Variants in GPR55 observed in about 807,000 individuals in gnomAD.
GPR55 encodes G-protein coupled receptor 55.
A neutral mutation model predicts 7.9 loss-of-function variants in GPR55; 6 were observed. The observed-to-expected ratio is 0.76, with a 90% confidence interval of 0.41 to 1.49. The LOEUF (loss-of-function observed/expected upper bound fraction) is 1.49. GPR55 is among the 40% of genes most tolerant of loss of function. The pLI, the probability that GPR55 is intolerant of heterozygous loss-of-function variation, is 0.01. For missense variants in GPR55, 376 were observed against 406.0 expected, an observed-to-expected ratio of 0.93 and a Z score of 0.63; for synonymous variants, 183 against 166.8, an observed-to-expected ratio of 1.10 and a Z score of -0.75.
upstream of GPR55, among the ~76,000 whole-genome samples, chr2:230,925,590 G>C (rs140574070): frequency 6.6e-6 from 1 of 152,188 alleles, no homozygotes; most frequent in African/African-American, 2.4e-5. Flanking sequence ...CCTAACAGGG[G>C]CACCACACAG....
In GPR55 at chr2:230,951,756, G is replaced by C. The variant is rs74963703; in HGVS notation, c.-135+9019C>G. On this transcript the variant is annotated intron_variant, in intron 1 of 1. Transcript: ENST00000392039. ...TTGTGGGTTTTTTGTTGTTATTGGG[G>C]TTTTTTTTTTTTTTTTTTGTGAGAC... Among the ~76,000 whole-genome samples, 286 of 47,530 alleles carry C rather than the reference G, an allele frequency of 6.0e-3. 1 individual carries two copies. Among genetic ancestry groups the C allele is most frequent in the African/African-American group, 0.032 (270 of 8,318 alleles). The allele number at this position is 47,530 out of a possible 152,430, so 31.2% of individuals were successfully genotyped here.
upstream of GPR55, among the ~76,000 whole-genome samples, chr2:230,927,191 C>T (rs1690958026): frequency 6.6e-6 from 1 of 152,210 alleles, no homozygotes; most frequent in Non-Finnish European, 1.5e-5. Flanking sequence ...TCCAGAGTTT[C>T]TGTGCCCGCC....
At chr2:230,950,522 C>T (rs928731612) in intron 1 of GPR55, among the ~76,000 whole-genome samples, 1 of 152,072 alleles carries the variant, frequency 6.6e-6, no homozygotes, top group African/African-American at 2.4e-5. Context: ...ATAAGGAAAC[C>T]TTCTCTGCTT....
chr2:230,912,595 C>T lies in GPR55; in HGVS notation c.-134-1499G>A, dbSNP rs57707243. Among the ~76,000 whole-genome samples, 565 of 152,098 alleles carry T rather than the reference C, an allele frequency of 3.7e-3. 4 individuals carry two copies. Among genetic ancestry groups the T allele is most frequent in the African/African-American group, 0.013 (536 of 41,458 alleles). ...CAGGCATGCACCACCACGCTCACCA[C>T]CCCTGGCTAATTTTTTGTATTTTTA... is the stretch of plus-strand genomic sequence containing the variant. On this transcript the variant is annotated intron_variant, in intron 1 of 1. Coordinates refer to ENST00000650999, the MANE Select transcript of GPR55 (RefSeq NM_005683.4).
intron 1 of GPR55, among the ~76,000 whole-genome samples, chr2:230,912,849 C>G (rs1369129298): frequency 6.6e-6 from 1 of 152,184 alleles, no homozygotes. Context: ...AACAAAAGAA[C>G]AAGCGTAGGA....
chr2:230,948,962 G>A (rs1045444545), intron 1 of GPR55, among the ~76,000 whole-genome samples: 4 of 152,232 alleles, frequency 2.6e-5, no homozygotes, highest in African/African-American at 4.8e-5. Flanking sequence ...CCAACTCCTC[G>A]GGAGGCTGAG....
At chr2:230,934,908 G>T (rs1206085698) in intron 1 of GPR55, among the ~76,000 whole-genome samples, 1 of 152,076 alleles carries the variant, frequency 6.6e-6, no homozygotes, top group Non-Finnish European at 1.5e-5. Flanking sequence ...CTGTTGGGTT[G>T]GGCTTCCCCC....
chr2:230,925,631 C>T (rs1690930089), upstream of GPR55, among the ~76,000 whole-genome samples: 1 of 152,296 alleles, frequency 6.6e-6, no homozygotes, highest in South Asian at 2.1e-4. Context: ...TGCCAAGGGC[C>T]GTCGTGGCTT....
chr2:230,922,787 C>T (rs1690867817), intron 1 of GPR55, among the ~76,000 whole-genome samples: 1 of 152,132 alleles, frequency 6.6e-6, no homozygotes, highest in African/African-American at 2.4e-5. Context: ...GTTGGTCAGG[C>T]TGGTCTCGAA....
chr2:230,950,522 C>A (rs928731612), intron 1 of GPR55, among the ~76,000 whole-genome samples: 2 of 152,072 alleles, frequency 1.3e-5, no homozygotes, highest in Non-Finnish European at 2.9e-5. Context: ...ATAAGGAAAC[C>A]TTCTCTGCTT....
chr2:230,939,688 G>C (rs984881680), intron 1 of GPR55, among the ~76,000 whole-genome samples: 1 of 152,192 alleles, frequency 6.6e-6, no homozygotes, highest in Non-Finnish European at 1.5e-5. Flanking sequence ...ACTGGAGAAG[G>C]GGGAGAGCCT....
chr2:230,947,663 C>T (rs1360233498), intron 1 of GPR55, among the ~76,000 whole-genome samples: 1 of 151,986 alleles, frequency 6.6e-6, no homozygotes, highest in African/African-American at 2.4e-5. Context: ...ACCACCATGC[C>T]AGGCTAATTT....
At chr2:230,947,221 A>T (rs776593049) in intron 1 of GPR55, among the ~76,000 whole-genome samples, 1 of 152,146 alleles carries the variant, frequency 6.6e-6, no homozygotes, top group Non-Finnish European at 1.5e-5. Flanking sequence ...GGTCAGCACC[A>T]CCAGAGTTTT....
intron 1 of GPR55, chr2:230,960,635 A>G (rs1433293141): frequency 6.6e-6 from 1 of 152,232 alleles, no homozygotes; most frequent in African/African-American, 2.4e-5. Flanking sequence ...GGACGTCATT[A>G]CTTCCATTTT....
At chr2:230,941,025 G>C (rs1691218251) in intron 1 of GPR55, among the ~76,000 whole-genome samples, 1 of 152,162 alleles carries the variant, frequency 6.6e-6, no homozygotes, top group Admixed American at 6.5e-5. Context: ...TCTGAGGCAG[G>C]AGAATTGCTT....
chr2:230,935,837 A>C (rs1261269770), intron 1 of GPR55, among the ~76,000 whole-genome samples: 1 of 152,226 alleles, frequency 6.6e-6, no homozygotes, highest in African/African-American at 2.4e-5. Context: ...AGCATCCTAA[A>C]ACCAAAATCT....
chr2:230,938,010 A>T (rs1283722073), intron 1 of GPR55, among the ~76,000 whole-genome samples: 6 of 151,902 alleles, frequency 3.9e-5, no homozygotes, highest in Admixed American at 2.0e-4. Context: ...AATAAATAAA[A>T]TTAGCTGGGC....
intron 1 of GPR55, among the ~76,000 whole-genome samples, chr2:230,953,764 G>A (rs932418775): frequency 3.3e-5 from 5 of 152,210 alleles, no homozygotes; most frequent in African/African-American, 1.2e-4. Flanking sequence ...GCATTAAAGA[G>A]CAGGATCTCC....
Position 230,908,845 on chromosome 2 carries a change from T to A in GPR55, c.*1158A>T, listed in dbSNP as rs1368199994. ...AGAAGCCATCCAGGCGTGACTCAATTGTTTACAGTTTCCTGGGACCAGCAG... is the reference window on the plus strand; with the variant it reads ...AGAAGCCATCCAGGCGTGACTCAATAGTTTACAGTTTCCTGGGACCAGCAG... On this transcript the variant is annotated 3_prime_UTR_variant, in exon 2 of 2. Transcript: ENST00000650999. 6.6e-6 allele frequency: 1 copy of A among 152,260 alleles called. No individual in the cohort carries two copies. The highest frequency in any genetic ancestry group is 2.4e-5 in the African/African-American group (1 of 41,422). The allele number at this position is 152,260 out of a possible 1,614,324, so 9.4% of individuals were successfully genotyped here.
Sources: allele counts gnomAD v4.1 joint callset (sites outside exome capture counted in the v4.1 genomes callset), GRCh38; gene constraint gnomAD v4.1.1; transcripts MANE v1.5; gene names NCBI Gene and HGNC (gene_info 2026-07-23, HGNC 2026-07-21).